Variants in SRGAP2B observed in about 807,000 individuals in gnomAD.
SRGAP2B encodes the protein SLIT-ROBO Rho GTPase activating protein 2B.
In SRGAP2B, 9 loss-of-function variants were observed where a neutral mutation model predicts 22.2. The observed-to-expected ratio is 0.41, with a 90% CI of 0.24 to 0.71. SRGAP2B has a LOEUF of 0.71. Among genes scored for constraint, SRGAP2B ranks in the 30% least tolerant of loss-of-function variants. The pLI is 0.35. For missense variants in SRGAP2B, 114 were observed against 235.8 expected, an observed-to-expected ratio of 0.48 and a Z score of 3.38; for synonymous variants, 36 against 87.4, an observed-to-expected ratio of 0.41 and a Z score of 3.28.
chr1:144,920,851 C>A (rs1431194246), intron 4 of SRGAP2B, among the ~76,000 whole-genome samples: 1 of 150,648 alleles, frequency 6.6e-6, no homozygotes, highest in African/African-American at 2.5e-5. Flanking sequence ...GACTGGAGCC[C>A]ACTAACTTAG....
At chr1:144,931,292 G>C (rs781891112) in intron 4 of SRGAP2B, among the ~76,000 whole-genome samples, 46 of 149,620 alleles carry the variant, frequency 3.1e-4, no homozygotes, top group Non-Finnish European at 6.3e-4. Flanking sequence ...TTGTCCATGA[G>C]AACAACTATT....
intron 2 of SRGAP2B, among the ~76,000 whole-genome samples, chr1:145,068,202 C>CAAAAAAA: frequency 6.4e-5 from 1 of 15,578 alleles, no homozygotes; most frequent in Non-Finnish European, 1.5e-4. Context: ...GACTCCGTCT[C>CAAAAAAA]AAAAAAAAAA....
At chr1:144,976,147 T>C (rs1383438836) in intron 3 of SRGAP2B, among the ~76,000 whole-genome samples, 1 of 147,850 alleles carries the variant, frequency 6.8e-6, no homozygotes, top group Non-Finnish European at 1.5e-5. Flanking sequence ...CCCAAAGTAC[T>C]GGGATTACAG....
chr1:145,058,089 C>T (rs2747575), intron 2 of SRGAP2B, among the ~76,000 whole-genome samples: 4 of 148,590 alleles, frequency 2.7e-5, no homozygotes, highest in African/African-American at 5.1e-5. Context: ...CTATGGGAAA[C>T]GCATAGGCTT....
rs1355807753 is a variant in SRGAP2B at position 144,920,301 on chromosome 1, T to C, written c.424-5547A>G. ...TCTTTTTAGATACAAGGTCTTGCTC[T>C]ATTGCCCAGGCTAGAATGCAGTGGC... is the stretch of plus-strand genomic sequence containing the variant. On this transcript the variant is annotated intron_variant, in intron 4 of 9. Coordinates refer to ENST00000612199, the Ensembl canonical transcript of SRGAP2B. 5.3e-5 allele frequency among the ~76,000 whole-genome samples: 8 copies of C among 150,626 alleles called. 1 individual carries two copies. Among genetic ancestry groups the C allele is most frequent in the African/African-American group, 2.0e-4 (8 of 40,148 alleles).
At chr1:144,901,792 TAA>T (rs1455656565) in intron 7 of SRGAP2B, among the ~76,000 whole-genome samples, 2 of 60,146 alleles carry the variant, frequency 3.3e-5, no homozygotes, top group African/African-American at 1.1e-4. Context: ...CTGTAACACT[TAA>T]GTTTAGTTAC....
At chr1:144,915,741 A>G (rs1188183560) in intron 4 of SRGAP2B, among the ~76,000 whole-genome samples, 14 of 150,898 alleles carry the variant, frequency 9.3e-5, no homozygotes, top group Non-Finnish European at 1.3e-4. Context: ...AAAAGAAAAG[A>G]AAAGGAAAGG....
rs1326071890 is a variant in SRGAP2B at position 145,012,769 on chromosome 1, T to C, written c.68-17569A>G. Among the ~76,000 whole-genome samples the C allele has an allele frequency of 2.9e-5, 4 of 138,206 alleles. No homozygotes were observed. The Admixed American group carries it at 2.9e-4, about 10-fold the overall frequency. 90.7% of individuals were successfully genotyped at this position (138,206 alleles called of 152,430 possible). On this transcript the variant is annotated intron_variant, in intron 2 of 9. Transcript: ENST00000612199. The stretch of plus-strand genomic sequence containing the variant: ...ATAATCCAGATGCCAGAATCCAGGA[T>C]CTGTTGGCATCCTGAAACCCAAAAA...
chr1:145,068,875 G>T (rs1451475886), intron 2 of SRGAP2B, among the ~76,000 whole-genome samples: 2 of 148,268 alleles, frequency 1.3e-5, no homozygotes, highest in Non-Finnish European at 3.0e-5. Flanking sequence ...TCTTCTGGGA[G>T]ATCCTAAATA....
intron 6 of SRGAP2B, 59 bp downstream of exon 6, chr1:144,905,800 T>A: frequency 1.4e-6 from 1 of 708,548 alleles, no homozygotes. Context: ...GAAATTCCTA[T>A]CAGCCATGCC....
intron 2 of SRGAP2B, among the ~76,000 whole-genome samples, chr1:145,040,572 C>T (rs587758303): frequency 9.3e-5 from 14 of 150,116 alleles, no homozygotes; most frequent in African/African-American, 2.7e-4. Flanking sequence ...TAGCCATGGA[C>T]GATATACAAA....
chr1:144,911,210 T>C (rs1314379679), intron 5 of SRGAP2B, among the ~76,000 whole-genome samples: 2 of 95,750 alleles, frequency 2.1e-5, no homozygotes. Context: ...TGGTTTCCTT[T>C]TTCCAGTGAC....
At position 144,995,195 on chromosome 1, in the gene SRGAP2B, G is replaced by C. The variant is rs56334123; in HGVS notation, c.73C>G (p.Arg25Gly). 6.8e-4 allele frequency: 519 copies of C among 766,040 alleles called. 19 individuals are homozygous for C. In the African/African-American group the frequency reaches 0.01, roughly 15 times the overall value. 47.5% of individuals were successfully genotyped at this position (766,040 alleles called of 1,614,324 possible). Reference sequence around the variant, plus strand: ...TTCATCTGCTCTGTGAGCTGAGCACGGATCTCTACAACAAAAACAAGAGAA... The same window carrying C: ...TTCATCTGCTCTGTGAGCTGAGCACCGATCTCTACAACAAAAACAAGAGAA... Residue 25 changes from arginine (R) to glycine (G), a missense_variant, in exon 3 of 10, where the codon CGT becomes GGT. Physicochemically the swap from Arg to Gly is moderately radical, Grantham distance 125. This residue lies in a region of SRGAP2B where 95 missense variants were observed against 139.0 expected (regional missense o/e 0.68). Transcript: ENST00000612199.
In SRGAP2B at chr1:144,930,546, G is replaced by A. The variant is rs587652842; in HGVS notation, c.424-15792C>T. ...TACAAGAAATTCTAAAAATTGGCAC[G>A]TATAAAAGCTCTATATGGGGCCATC... On this transcript the variant is annotated intron_variant, in intron 4 of 9. Coordinates refer to ENST00000612199, the Ensembl canonical transcript of SRGAP2B. Among the ~76,000 whole-genome samples the A allele has an allele frequency of 8.2e-3, 1,210 of 148,456 alleles. 84 individuals are homozygous for A. The highest frequency in any genetic ancestry group is 0.029 in the African/African-American group (1,125 of 38,908).
At chr1:144,965,835 T>G (rs1217433743) in intron 3 of SRGAP2B, among the ~76,000 whole-genome samples, 1 of 140,228 alleles carries the variant, frequency 7.1e-6, no homozygotes, top group Non-Finnish European at 1.5e-5. Flanking sequence ...GAGAACTACG[T>G]GAAGAATGCA....
intron 4 of SRGAP2B, chr1:144,918,165 T>C (rs1664006204): frequency 8.7e-6 from 1 of 114,988 alleles, no homozygotes; most frequent in African/African-American, 3.9e-5. Context: ...TAAAATTTCT[T>C]GGAAGAGAAT....
intron 2 of SRGAP2B, among the ~76,000 whole-genome samples, chr1:144,996,303 C>T (rs1303499205): frequency 2.0e-5 from 3 of 146,646 alleles, no homozygotes; most frequent in Non-Finnish European, 4.5e-5. Flanking sequence ...TCATCTTTTC[C>T]CTCTGCAAGC....
intron 2 of SRGAP2B, among the ~76,000 whole-genome samples, chr1:144,998,875 G>C (rs1670904214): frequency 6.6e-6 from 1 of 150,916 alleles, no homozygotes. Context: ...CAGCTATGCT[G>C]GCCCCAGTCC....
chr1:145,010,654 A>C (rs1201603506), intron 2 of SRGAP2B, among the ~76,000 whole-genome samples: 2 of 150,498 alleles, frequency 1.3e-5, no homozygotes, highest in Admixed American at 6.6e-5. Context: ...TTTATAGTAC[A>C]TACGGTATAA....
Sources: gnomAD v4.1 joint callset for allele counts (sites outside exome capture counted in the v4.1 genomes callset) on GRCh38, gnomAD v4.1.1 for gene constraint, gnomAD v4.1.1 regional missense constraint, MANE v1.5 for transcripts, NCBI Gene and HGNC (gene_info 2026-07-23, HGNC 2026-07-21) for gene names.